Variants in C10orf90 observed in about 807,000 individuals in gnomAD.
C10orf90 encodes chromosome 10 open reading frame 90.
C10orf90 carries 56 observed loss-of-function variants against 62.5 expected under a neutral mutation model. That is an observed-to-expected ratio of 0.90 (90% CI 0.72 to 1.12). The LOEUF is 1.12. Ranked by LOEUF, C10orf90 falls within the 50% of genes most tolerant of loss-of-function variation. The pLI, the probability that C10orf90 is intolerant of heterozygous loss-of-function variation, is 0.00. For missense variants in C10orf90, 970 were observed against 880.4 expected (o/e 1.10, Z -1.29); for synonymous variants, 386 against 340.4 (o/e 1.13, Z -1.47).
At chr10:126,469,679 C>T (rs1860462388) in intron 4 of C10orf90, 1 of 354,076 alleles carries the variant, frequency 2.8e-6, no homozygotes, top group Non-Finnish European at 5.6e-6. Context: ...CCCAGACTGC[C>T]TTCTGCCCTC....
At chr10:126,496,794 T>C (rs1376657027) in intron 4 of C10orf90, 1 of 849,842 alleles carries the variant, frequency 1.2e-6, no homozygotes, top group Non-Finnish European at 1.4e-6. Context: ...ATGGGCTTTG[T>C]TGGGTCATCA....
intron 2 of C10orf90, chr10:126,521,221 TACTC>T (rs1863725617): frequency 2.3e-5 from 35 of 1,519,428 alleles, no homozygotes; most frequent in Non-Finnish European, 2.7e-5. Context: ...GCCCAGAAGA[TACTC>T]AGCGTGGACA....
chr10:126,594,719 G>C (rs571842396), intron 2 of C10orf90, among the ~76,000 whole-genome samples: 1 of 152,174 alleles, frequency 6.6e-6, no homozygotes, highest in African/African-American at 2.4e-5. Context: ...GAACTACAGC[G>C]GATTCAGAGC....
intron 2 of C10orf90, among the ~76,000 whole-genome samples, chr10:126,576,753 T>C (rs1844632526): frequency 1.5e-5 from 1 of 67,106 alleles, no homozygotes; most frequent in African/African-American, 7.7e-5. Context: ...TATATACATA[T>C]AGATAATATG....
At chr10:126,664,764 G>T (rs114052558) in intron 1 of C10orf90, among the ~76,000 whole-genome samples, 9 of 152,156 alleles carry the variant, frequency 5.9e-5, no homozygotes, top group Non-Finnish European at 1.0e-4. Flanking sequence ...CCATTGTAGC[G>T]AGATTGGAGA....
intron 1 of C10orf90, among the ~76,000 whole-genome samples, chr10:126,661,542 G>A (rs997635328): frequency 1.3e-5 from 2 of 152,120 alleles, no homozygotes; most frequent in African/African-American, 2.4e-5. Flanking sequence ...CTGAAATGTG[G>A]ATATGGTTTC....
chr10:126,572,670 T>G (rs1049680282), intron 2 of C10orf90, among the ~76,000 whole-genome samples: 3 of 152,178 alleles, frequency 2.0e-5, no homozygotes, highest in Non-Finnish European at 4.4e-5. Flanking sequence ...AAGGTCTTCA[T>G]GATCTGTATT....
intron 2 of C10orf90, among the ~76,000 whole-genome samples, chr10:126,628,402 T>C (rs1203599517): frequency 1.3e-5 from 2 of 152,094 alleles, no homozygotes; most frequent in Admixed American, 6.5e-5. Context: ...GATGGATGGA[T>C]AGACGAATGG....
intron 7 of C10orf90, among the ~76,000 whole-genome samples, chr10:126,445,843 C>T (rs1858742346): frequency 7.2e-6 from 1 of 138,210 alleles, no homozygotes; most frequent in South Asian, 2.3e-4. Flanking sequence ...GAATACTACT[C>T]AGCCATAAAA....
At chr10:126,480,395 C>G (rs1861106377) in intron 4 of C10orf90, among the ~76,000 whole-genome samples, 1 of 152,212 alleles carries the variant, frequency 6.6e-6, no homozygotes, top group Non-Finnish European at 1.5e-5. Context: ...CTTCTGTTGG[C>G]TTTAACATTC....
chr10:126,630,976 C>T (rs928541964), intron 2 of C10orf90, among the ~76,000 whole-genome samples: 11 of 152,148 alleles, frequency 7.2e-5, no homozygotes, highest in Non-Finnish European at 1.0e-4. Flanking sequence ...GGAGATTCCG[C>T]GTGGAGCAGA....
At chr10:126,631,833 T>C (rs1044663368) in intron 2 of C10orf90, among the ~76,000 whole-genome samples, 17 of 151,160 alleles carry the variant, frequency 1.1e-4, no homozygotes, top group African/African-American at 4.1e-4. Context: ...AACGAGACAG[T>C]CACGAAAGAA....
intron 2 of C10orf90, among the ~76,000 whole-genome samples, chr10:126,544,437 G>A (rs577361951): frequency 7.9e-5 from 12 of 152,070 alleles, no homozygotes; most frequent in Non-Finnish European, 1.3e-4. Flanking sequence ...CCTGCTGGGG[G>A]CCATTGCGTG....
At chr10:126,469,172 C>A (rs1314456080) in intron 4 of C10orf90, among the ~76,000 whole-genome samples, 1 of 152,090 alleles carries the variant, frequency 6.6e-6, no homozygotes, top group Non-Finnish European at 1.5e-5. Flanking sequence ...GGTACAGCTG[C>A]CCAGGGAATT....
intron 2 of C10orf90, among the ~76,000 whole-genome samples, chr10:126,594,291 G>T (rs1181182895): frequency 6.6e-6 from 1 of 152,130 alleles, no homozygotes; most frequent in Non-Finnish European, 1.5e-5. Flanking sequence ...GTGTGTCTGT[G>T]TGTGTGTCCA....
At chr10:126,478,383 G>A (rs1428099639) in intron 4 of C10orf90, among the ~76,000 whole-genome samples, 2 of 152,182 alleles carry the variant, frequency 1.3e-5, no homozygotes, top group East Asian at 1.9e-4. Context: ...TGGAAAATGC[G>A]ACAAGAACAA....
chr10:126,494,743 T>A (rs969585764), intron 4 of C10orf90, among the ~76,000 whole-genome samples: 4 of 152,246 alleles, frequency 2.6e-5, no homozygotes, highest in African/African-American at 7.2e-5. Flanking sequence ...TGGACCAGTT[T>A]ATATACTTCT....
rs527417211 is a variant in C10orf90 at position 126,583,661 on chromosome 10, G to GC, written c.313+62903dup. Among the ~76,000 whole-genome samples the GC allele has an allele frequency of 2.2e-3, 334 of 152,214 alleles. 2 individuals are homozygous for GC. The Middle Eastern group carries it at 0.024, about 11-fold the overall frequency. On this transcript the variant is annotated intron_variant, in intron 2 of 9. Transcript: ENST00000488181. The stretch of plus-strand genomic sequence containing the variant: ...GGACCTGCCAGACAAAGCTGGCTCT[G>GC]CCCCCCACCTTGCCACAGCTGTCCG...
chr10:126,597,813 G>T (rs928475697), intron 2 of C10orf90, among the ~76,000 whole-genome samples: 1 of 152,044 alleles, frequency 6.6e-6, no homozygotes. Flanking sequence ...TGTCACTCAG[G>T]CCATAAGCAA....
Sources: allele counts gnomAD v4.1 joint callset (sites outside exome capture counted in the v4.1 genomes callset), GRCh38; gene constraint gnomAD v4.1.1; transcripts MANE v1.5; gene names NCBI Gene and HGNC (gene_info 2026-07-23, HGNC 2026-07-21).